The following RC3H2 variants were observed in gnomAD, a reference collection of about 807,000 sequenced individuals.
RC3H2 encodes the protein ring finger and CCCH-type domains 2.
RC3H2 carries 31 observed loss-of-function variants against 133.3 expected under a neutral mutation model. The observed-to-expected ratio is 0.23, with a 90% confidence interval of 0.17 to 0.31. The LOEUF (loss-of-function observed/expected upper bound fraction) is 0.31, where lower values mean the gene tolerates loss of function less well. RC3H2 is among the 10% of genes least tolerant of loss of function. The pLI, the probability that RC3H2 is intolerant of heterozygous loss-of-function variation, is 1.00. For synonymous variants in RC3H2, 517 were observed against 502.2 expected, an observed-to-expected ratio of 1.03 and a Z score of -0.40; for missense variants, 1,175 against 1,437.2, an observed-to-expected ratio of 0.82 and a Z score of 2.95.
At chr9:122,856,758 A>G (rs1426542615) in intron 13 of RC3H2, among the ~76,000 whole-genome samples, 1 of 152,248 alleles carries the variant, frequency 6.6e-6, no homozygotes, top group Non-Finnish European at 1.5e-5. Flanking sequence ...CTAGTTTACT[A>G]ATTATTCAGA....
intron 10 of RC3H2, among the ~76,000 whole-genome samples, chr9:122,863,376 A>G (rs914583146): frequency 6.6e-6 from 1 of 152,226 alleles, no homozygotes; most frequent in Admixed American, 6.5e-5. Context: ...ATCTGGCACC[A>G]ACCTATCTAA....
At position 122,865,767 on chromosome 9, in the gene RC3H2, A is replaced by G. The variant is rs541101301; in HGVS notation, c.1326-110T>C. On this transcript the variant is annotated intron_variant, in intron 9 of 20. Coordinates refer to ENST00000357244, the MANE Select transcript of RC3H2 (RefSeq NM_001100588.3). The stretch of plus-strand genomic sequence containing the variant: ...ATTGAAAAAGGAGGAAACAGTTTTG[A>G]CAAAAAGTTTCTTCAGCTAAATAAT... 3.4e-6 allele frequency: 3 copies of G among 888,464 alleles called. No homozygotes were observed. In the East Asian group the frequency reaches 7.5e-5, roughly 22 times the overall value. The allele number at this position is 888,464 out of a possible 1,614,324, so 55.0% of individuals were successfully genotyped here.
intron 5 of RC3H2, among the ~76,000 whole-genome samples, chr9:122,881,398 C>T (rs773933331): frequency 2.2e-4 from 30 of 139,466 alleles, no homozygotes; most frequent in South Asian, 4.5e-4. Flanking sequence ...GCAGAGGTTG[C>T]AGTGAGCTGA....
chr9:122,893,231 T>C (rs1832262553), intron 2 of RC3H2, among the ~76,000 whole-genome samples: 2 of 152,126 alleles, frequency 1.3e-5, no homozygotes, highest in African/African-American at 4.8e-5. Context: ...TGGTGGCTCA[T>C]GCCCGTAATC....
At chr9:122,861,509 A>G (rs1290033476) in intron 10 of RC3H2, among the ~76,000 whole-genome samples, 4 of 8,218 alleles carry the variant, frequency 4.9e-4, no homozygotes, top group East Asian at 7.4e-3. Context: ...AAAAAAAAAA[A>G]GAAAAGAAAA....
intron 9 of RC3H2, among the ~76,000 whole-genome samples, chr9:122,870,602 G>C (rs1831044886): frequency 6.6e-6 from 1 of 152,176 alleles, no homozygotes; most frequent in Non-Finnish European, 1.5e-5. Flanking sequence ...TGCCTTTTCA[G>C]GGACAGGATC....
intron 20 of RC3H2, among the ~76,000 whole-genome samples, chr9:122,850,400 G>T (rs1004912853): frequency 1.4e-5 from 2 of 143,206 alleles, no homozygotes; most frequent in African/African-American, 5.5e-5. Flanking sequence ...CAGTATTATA[G>T]CCAAGAAAAT....
chr9:122,898,249 T>C (rs1564322091), intron 1 of RC3H2: 1 of 152,134 alleles, frequency 6.6e-6, no homozygotes, highest in African/African-American at 2.4e-5. Flanking sequence ...AACAAAAAAA[T>C]TGTCTTAAAT....
chr9:122,880,247 G>T (rs745967764), intron 6 of RC3H2, 122 bp from the exon 7 acceptor site: 1 of 1,118,408 alleles, frequency 8.9e-7, no homozygotes, highest in Non-Finnish European at 1.4e-6. Context: ...CACAGTAGGA[G>T]TATCAGTGAT....
Position 122,879,855 on chromosome 9 carries a change from C to A in RC3H2, c.1112G>T (p.Trp371Leu). The change falls in exon 8 of 21, where the codon TGG becomes TTG. Residue 371 changes from tryptophan to leucine, a missense_variant. Trp to Leu is a moderately conservative substitution (Grantham distance 61). Coordinates refer to ENST00000357244, the MANE Select transcript of RC3H2 (RefSeq NM_001100588.3). ...DPNPDAVSPTWEQLENAMVAV... is the reference protein window; with the variant it reads ...DPNPDAVSPTLEQLENAMVAV... ...TACCATTGCATTTTCCAGCTGCTCC[C>A]AAGTTGGTGAAACAGCGTCTAAAAT... The A allele has an allele frequency of 6.2e-7, 1 of 1,614,060 alleles. No individual in the cohort carries two copies. Among genetic ancestry groups the A allele is most frequent in the Non-Finnish European group, 8.5e-7 (1 of 1,180,004 alleles).
At position 122,890,526 on chromosome 9, in the gene RC3H2, C is replaced by T; in HGVS notation, c.369G>A (p.Gln123=). The T allele has an allele frequency of 6.2e-7, 1 of 1,612,746 alleles. No homozygotes were observed. The highest frequency in any genetic ancestry group is 1.1e-5 in the South Asian group (1 of 91,060). ...SGGKGVASLN[Q]SALSRPMQRK... ...TTTGCATTGGACGGCTCAGTGCACT[C>T]TGGTTCAAGCTAGCTACACCTTTAG... The change falls in exon 4 of 21, where the codon CAG becomes CAA. Residue 123 remains glutamine, a synonymous_variant. Transcript: ENST00000357244.
chr9:122,885,202 A>C (rs936612810), intron 4 of RC3H2, among the ~76,000 whole-genome samples: 6 of 152,192 alleles, frequency 3.9e-5, no homozygotes, highest in Non-Finnish European at 1.5e-5. Flanking sequence ...AAGTATTAAA[A>C]GGAAAGGAGC....
intron 5 of RC3H2, among the ~76,000 whole-genome samples, chr9:122,882,570 C>T (rs993632364): frequency 6.6e-6 from 1 of 152,238 alleles, no homozygotes; most frequent in Non-Finnish European, 1.5e-5. Flanking sequence ...GCAACCTACA[C>T]TCTTGGATCA....
In RC3H2 at chr9:122,875,204, G is replaced by GA. The variant is rs778957516; in HGVS notation, c.1325+2266dup. On this transcript the variant is annotated intron_variant, in intron 9 of 20. Transcript: ENST00000357244. ...CTCTTCTCTAGGCACTTCAAGTGGG[G>GA]AAAAAAACTGAGAAGAGAAGCATGT... is the stretch of plus-strand genomic sequence containing the variant. The GA allele has an allele frequency of 7.7e-6, 12 of 1,550,918 alleles. No individual in the cohort carries two copies. In the East Asian group the frequency reaches 2.7e-4, roughly 35 times the overall value.
chr9:122,897,611 T>G, intron 1 of RC3H2, 35 bp from the exon 2 acceptor site: 1 of 1,405,076 alleles, frequency 7.1e-7, no homozygotes. Flanking sequence ...TAACCACATA[T>G]TCATCATTCA....
chr9:122,854,256 T>C lies in RC3H2; in HGVS notation c.2911A>G (p.Ile971Val). 6.2e-7 allele frequency: 1 copy of C among 1,612,118 alleles called. No homozygotes were observed. The highest frequency in any genetic ancestry group is 8.5e-7 in the Non-Finnish European group (1 of 1,178,852). Residue 971 changes from isoleucine to valine, a missense_variant, in exon 17 of 21, where the codon ATT (isoleucine) becomes GTT (valine). Physicochemically the swap from Ile to Val is conservative, Grantham distance 29. Around this residue, in one of 8 missense-constraint regions of RC3H2, gnomAD observed 138 missense variants for 215.0 expected, o/e 0.64. Transcript: ENST00000357244. The part of the protein sequence containing the change: ...SAHYVERDRF[I>V]VTDLSGHRKH... ...CTATGACCAGATAAATCAGTAACAA[T>C]GAATCTGTCCCTTTAAAGAGAAATA...
intron 14 of RC3H2, 100 bp from the exon 15 acceptor site, chr9:122,855,497 T>C: frequency 8.4e-7 from 1 of 1,186,538 alleles, no homozygotes; most frequent in South Asian, 1.4e-5. Flanking sequence ...TTTTGGTTAA[T>C]TTAAAACTAG....
At chr9:122,856,556 A>G (rs138162342) in intron 13 of RC3H2, among the ~76,000 whole-genome samples, 4 of 152,358 alleles carry the variant, frequency 2.6e-5, no homozygotes, top group African/African-American at 7.2e-5. Flanking sequence ...CACCAAGCTG[A>G]GTTTATAATT....
In RC3H2 at chr9:122,876,227, C is replaced by T. The variant is rs528726374; in HGVS notation, c.1325+1244G>A. Among the ~76,000 whole-genome samples, 5 of 152,214 alleles carry T rather than the reference C, an allele frequency of 3.3e-5. No homozygotes were observed. The East Asian group carries it at 7.7e-4, about 23-fold the overall frequency. On this transcript the variant is annotated intron_variant, in intron 9 of 20. Coordinates refer to ENST00000357244, the MANE Select transcript of RC3H2 (RefSeq NM_001100588.3). ...ATATATAACAGGCTGGATGGCTAAA[C>T]TGGGTACACGAGGTGAGTACAATGG...
Sources: gnomAD v4.1 joint callset for allele counts (sites outside exome capture counted in the v4.1 genomes callset) on GRCh38, gnomAD v4.1.1 for gene constraint, gnomAD v4.1.1 regional missense constraint, MANE v1.5 for transcripts, NCBI Gene and HGNC (gene_info 2026-07-23, HGNC 2026-07-21) for gene names.